The following MEIS1 variants were observed in gnomAD, a reference collection of about 807,000 sequenced individuals.
The protein encoded by MEIS1 is homeobox protein Meis1.
MEIS1 carries 5 observed loss-of-function variants against 50.8 expected under a neutral mutation model. That is an observed-to-expected ratio of 0.10 (90% CI 0.05 to 0.21). MEIS1 has a LOEUF of 0.21. Ranked by LOEUF, MEIS1 falls within the 10% of genes least tolerant of loss-of-function variation. The pLI, the probability that MEIS1 is intolerant of heterozygous loss-of-function variation, is 1.00. For synonymous variants in MEIS1, 176 were observed against 179.3 expected (o/e 0.98, Z 0.15); for missense variants, 318 against 517.3 (o/e 0.61, Z 3.74).
At position 66,435,743 on chromosome 2, in the gene MEIS1, C is replaced by CTT. The variant is rs70943697; in HGVS notation, c.-91_-90dup. On this transcript the variant is annotated 5_prime_UTR_variant, in exon 1 of 13. Coordinates refer to ENST00000272369, the MANE Select transcript of MEIS1 (RefSeq NM_002398.3). ...AGACGTTAAGGGATTTTTCGTCGTG[C>CTT]TTTTTTTTTTTTTTTTTTTTTTTTC... 2.1e-3 allele frequency: 697 copies of CTT among 335,710 alleles called. No homozygotes were observed. The highest frequency in any genetic ancestry group is 3.5e-3 in the Middle Eastern group (5 of 1,422). The allele number at this position is 335,710 out of a possible 1,614,324, so 20.8% of individuals were successfully genotyped here. A position where few individuals can be genotyped will look rare whatever the true frequency, so the allele number is the denominator to read the frequency against.
intron 7 of MEIS1, among the ~76,000 whole-genome samples, chr2:66,507,054 C>A (rs1673700056): frequency 1.3e-5 from 2 of 152,174 alleles, no homozygotes; most frequent in South Asian, 4.1e-4. Flanking sequence ...AAAAAAGAAA[C>A]CTTCATGTTG....
intron 7 of MEIS1, among the ~76,000 whole-genome samples, chr2:66,485,327 TC>T (rs1489909200): frequency 1.3e-5 from 2 of 152,114 alleles, no homozygotes; most frequent in Non-Finnish European, 2.9e-5. Context: ...ATTGTTCACC[TC>T]CCACTTATGA....
At chr2:66,524,949 T>G (rs1417529674) in intron 8 of MEIS1, among the ~76,000 whole-genome samples, 1 of 152,176 alleles carries the variant, frequency 6.6e-6, no homozygotes, top group African/African-American at 2.4e-5. Context: ...GGTTCATGCC[T>G]GTAATCCTAG....
intron 7 of MEIS1, among the ~76,000 whole-genome samples, chr2:66,488,942 C>T (rs1673205094): frequency 6.6e-6 from 1 of 152,120 alleles, no homozygotes; most frequent in South Asian, 2.1e-4. Flanking sequence ...CTGCTGCTTA[C>T]CTGTCAATCT....
chr2:66,481,508 C>A (rs562936817), intron 7 of MEIS1, among the ~76,000 whole-genome samples: 1 of 152,186 alleles, frequency 6.6e-6, no homozygotes, highest in Non-Finnish European at 1.5e-5. Context: ...ACAGCAATGA[C>A]GCTGCCATTC....
rs115157284 is a variant in MEIS1, at chr2:66,533,031, G to A, written c.889-14912G>A. On this transcript the variant is annotated intron_variant, in intron 8 of 12. Coordinates refer to ENST00000272369, the MANE Select transcript of MEIS1 (RefSeq NM_002398.3). ...CTGTGCTAGAATTGAAATAATTTCC[G>A]AATACTTTATTTCCAAAGGTTTGTT... is the stretch of plus-strand genomic sequence containing the variant. 3.8e-3 allele frequency among the ~76,000 whole-genome samples: 571 copies of A among 152,194 alleles called. 3 individuals carry two copies. Among genetic ancestry groups the A allele is most frequent in the African/African-American group, 0.013 (538 of 41,518 alleles).
Position 66,561,376 on chromosome 2 carries a change from A to C in MEIS1, c.966-6077A>C, listed in dbSNP as rs569000691. ...GGGATTTGACAACTACCTTCCAATG[A>C]TAAATTTTATATTTGAAGATTTTTC... On this transcript the variant is annotated intron_variant, in intron 9 of 12. Coordinates refer to ENST00000272369, the MANE Select transcript of MEIS1 (RefSeq NM_002398.3). 1.5e-3 allele frequency among the ~76,000 whole-genome samples: 223 copies of C among 152,328 alleles called. 1 individual carries two copies. The highest frequency in any genetic ancestry group is 5.2e-3 in the African/African-American group (216 of 41,590).
intron 6 of MEIS1, among the ~76,000 whole-genome samples, chr2:66,456,335 G>A (rs1030414387): frequency 6.6e-6 from 1 of 151,844 alleles, no homozygotes; most frequent in African/African-American, 2.4e-5. Context: ...TGATGCTGAA[G>A]TGTACACACT....
chr2:66,496,253 G>C (rs1008272529), intron 7 of MEIS1: 1 of 152,282 alleles, frequency 6.6e-6, no homozygotes, highest in East Asian at 1.9e-4. Flanking sequence ...CCTCGGGCGT[G>C]GGGGGCAGTG....
At chr2:66,552,527 T>C (rs1016760143) in intron 9 of MEIS1, among the ~76,000 whole-genome samples, 2 of 152,350 alleles carry the variant, frequency 1.3e-5, no homozygotes, top group African/African-American at 2.4e-5. Context: ...TATGGTACTC[T>C]ACATTTCTTA....
intron 7 of MEIS1, among the ~76,000 whole-genome samples, chr2:66,471,453 G>A (rs1388769196): frequency 6.6e-6 from 1 of 152,176 alleles, no homozygotes; most frequent in Non-Finnish European, 1.5e-5. Flanking sequence ...TGCAGGTACT[G>A]GAGTTTTGTT....
At chr2:66,459,653 A>G (rs754287983) in intron 6 of MEIS1, among the ~76,000 whole-genome samples, 3 of 152,180 alleles carry the variant, frequency 2.0e-5, no homozygotes, top group Non-Finnish European at 4.4e-5. Flanking sequence ...GGGGTCAAAA[A>G]TAGACAAGAT....
At chr2:66,560,067 A>C (rs1675173924) in intron 9 of MEIS1, among the ~76,000 whole-genome samples, 1 of 137,622 alleles carries the variant, frequency 7.3e-6, no homozygotes. Context: ...AAGTGCTGGT[A>C]TTATAGGCAT....
chr2:66,571,369 C>G lies in MEIS1; in HGVS notation c.*161C>G. 1 of 1,602,294 alleles carries G rather than the reference C, an allele frequency of 6.2e-7. No homozygotes were observed. Among genetic ancestry groups the G allele is most frequent in the Non-Finnish European group, 8.5e-7 (1 of 1,174,578 alleles). On this transcript the variant is annotated 3_prime_UTR_variant, in exon 13 of 13. Coordinates refer to ENST00000272369, the MANE Select transcript of MEIS1 (RefSeq NM_002398.3). Reference sequence around the variant, plus strand: ...CCTGCTCAGCTGCGTCATGGGCCCCCCATGCATACGTACATTCCTGGACAC... The same window carrying G: ...CCTGCTCAGCTGCGTCATGGGCCCCGCATGCATACGTACATTCCTGGACAC...
chr2:66,497,851 T>C (rs1673446185), intron 7 of MEIS1, among the ~76,000 whole-genome samples: 1 of 152,166 alleles, frequency 6.6e-6, no homozygotes, highest in African/African-American at 2.4e-5. Context: ...CTAGTAAAAA[T>C]TGCTTTCCAA....
intron 7 of MEIS1, among the ~76,000 whole-genome samples, chr2:66,469,437 G>A (rs202063222): frequency 6.6e-6 from 1 of 152,166 alleles, no homozygotes; most frequent in African/African-American, 2.4e-5. Flanking sequence ...CGGCCTGAGA[G>A]GGGGTGGGGA....
chr2:66,555,632 C>T (rs998955818), intron 9 of MEIS1, among the ~76,000 whole-genome samples: 7 of 152,032 alleles, frequency 4.6e-5, no homozygotes, highest in Non-Finnish European at 2.9e-5. Flanking sequence ...GTATTTTCTG[C>T]TTGCACAGAC....
chr2:66,561,057 C>G (rs1558564634), intron 9 of MEIS1, among the ~76,000 whole-genome samples: 1 of 151,966 alleles, frequency 6.6e-6, no homozygotes, highest in African/African-American at 2.4e-5. Context: ...CTCTGAAGAC[C>G]AACAGTTATG....
In MEIS1 at chr2:66,571,480, C is replaced by A. The variant is rs761047687; in HGVS notation, c.*272C>A. On this transcript the variant is annotated 3_prime_UTR_variant, in exon 13 of 13. Coordinates refer to ENST00000272369, the MANE Select transcript of MEIS1 (RefSeq NM_002398.3). ...GCATCAAGCCCCACAGTTCTTAATACAGGAGACCCAACAATGAGTGGACAA... is the reference window on the plus strand; with the variant it reads ...GCATCAAGCCCCACAGTTCTTAATAAAGGAGACCCAACAATGAGTGGACAA... The A allele has an allele frequency of 1.3e-6, 2 of 1,590,992 alleles. No individual in the cohort carries two copies. Among genetic ancestry groups the A allele is most frequent in the East Asian group, 4.6e-5 (2 of 43,778 alleles).
Sources: allele counts gnomAD v4.1 joint callset (sites outside exome capture counted in the v4.1 genomes callset), GRCh38; gene constraint gnomAD v4.1.1; transcripts MANE v1.5; gene names NCBI Gene and HGNC (gene_info 2026-07-23, HGNC 2026-07-21).